Variants in SGMS1 observed in about 807,000 individuals in gnomAD.
SGMS1 encodes the protein phosphatidylcholine:ceramide cholinephosphotransferase 1.
In SGMS1, 13 loss-of-function variants were observed where a neutral mutation model predicts 46.2. That is an observed-to-expected ratio of 0.28 (90% CI 0.18 to 0.45). The LOEUF is 0.45. Among genes scored for constraint, SGMS1 ranks in the 20% least tolerant of loss-of-function variants. SGMS1 has a pLI of 1.00. For synonymous variants in SGMS1, 203 were observed against 187.8 expected (o/e 1.08, Z -0.66); for missense variants, 324 against 519.9 (o/e 0.62, Z 3.66).
chr10:50,518,890 A>G (rs1837832887), intron 3 of SGMS1, among the ~76,000 whole-genome samples: 1 of 152,238 alleles, frequency 6.6e-6, no homozygotes, highest in Admixed American at 6.5e-5. Context: ...CAATTGCACT[A>G]TTAATCAGGA....
At chr10:50,437,656 A>G (rs1325902621) in intron 5 of SGMS1, among the ~76,000 whole-genome samples, 1 of 152,192 alleles carries the variant, frequency 6.6e-6, no homozygotes, top group South Asian at 2.1e-4. Flanking sequence ...ACTGGGGCAA[A>G]AGAGTAAAAG....
chr10:50,584,323 C>T (rs759453408), intron 2 of SGMS1, among the ~76,000 whole-genome samples: 9 of 151,888 alleles, frequency 5.9e-5, no homozygotes, highest in East Asian at 1.9e-4. Context: ...CATAGTGAAA[C>T]GCTGTCTCTA....
intron 2 of SGMS1, among the ~76,000 whole-genome samples, chr10:50,543,114 A>C (rs1430124936): frequency 6.6e-6 from 1 of 152,204 alleles, no homozygotes; most frequent in Non-Finnish European, 1.5e-5. Context: ...TTGGAGACCA[A>C]GTGTTGACTT....
chr10:50,448,434 G>A (rs1036839748), intron 5 of SGMS1, among the ~76,000 whole-genome samples: 1 of 152,008 alleles, frequency 6.6e-6, no homozygotes, highest in Non-Finnish European at 1.5e-5. Flanking sequence ...GAGAATGATT[G>A]TGAAAAAGGG....
At chr10:50,379,506 G>C (rs1848571713) in intron 6 of SGMS1, among the ~76,000 whole-genome samples, 1 of 151,918 alleles carries the variant, frequency 6.6e-6, no homozygotes, top group South Asian at 2.1e-4. Flanking sequence ...TACATACAGA[G>C]GCTACGGAGG....
At position 50,563,798 on chromosome 10, in the gene SGMS1, A is replaced by G. The variant is rs189576038; in HGVS notation, c.-589+26355T>C. Among the ~76,000 whole-genome samples the G allele has an allele frequency of 9.9e-4, 150 of 152,094 alleles. 1 individual carries two copies. The highest frequency in any genetic ancestry group is 3.4e-3 in the African/African-American group (141 of 41,508). ...CTTTTGATGGAACCCATCCTATGCA[A>G]TCAGTCCCATAGTGACTGGGGTTTA... On this transcript the variant is annotated intron_variant, in intron 2 of 10. Coordinates refer to ENST00000361781, the MANE Select transcript of SGMS1 (RefSeq NM_147156.4).
chr10:50,593,413 T>C (rs906475988), intron 1 of SGMS1, among the ~76,000 whole-genome samples: 16 of 152,346 alleles, frequency 1.1e-4, no homozygotes, highest in African/African-American at 3.8e-4. Flanking sequence ...TGAGGTTTGT[T>C]ATGCAGTGAT....
chr10:50,530,724 A>G (rs1218962661), intron 2 of SGMS1, among the ~76,000 whole-genome samples: 3 of 152,036 alleles, frequency 2.0e-5, no homozygotes, highest in African/African-American at 4.8e-5. Context: ...GCCTCAAGCA[A>G]TGCTCCCGCC....
At chr10:50,432,743 AC>A (rs1202769724) in intron 6 of SGMS1, among the ~76,000 whole-genome samples, 1 of 152,194 alleles carries the variant, frequency 6.6e-6, no homozygotes, top group Non-Finnish European at 1.5e-5. Flanking sequence ...CTTTCCACAA[AC>A]TTTAATTTTA....
intron 6 of SGMS1, among the ~76,000 whole-genome samples, chr10:50,402,454 G>T (rs1260702407): frequency 6.6e-6 from 1 of 152,154 alleles, no homozygotes; most frequent in Non-Finnish European, 1.5e-5. Context: ...GATCCTACTG[G>T]AAATTAAGAT....
chr10:50,479,337 G>A (rs2133715741), intron 3 of SGMS1, among the ~76,000 whole-genome samples: 1 of 152,190 alleles, frequency 6.6e-6, no homozygotes, highest in South Asian at 2.1e-4. Context: ...AATCATTCAT[G>A]CACTAACTCA....
At chr10:50,370,007 A>C (rs957250036) in intron 6 of SGMS1, among the ~76,000 whole-genome samples, 3 of 152,218 alleles carry the variant, frequency 2.0e-5, no homozygotes, top group African/African-American at 7.2e-5. Context: ...TTGTGTATCT[A>C]AATGCAGAAA....
chr10:50,525,192 A>G (rs1837890198), intron 2 of SGMS1, among the ~76,000 whole-genome samples: 1 of 152,198 alleles, frequency 6.6e-6, no homozygotes, highest in Non-Finnish European at 1.5e-5. Context: ...TATACTGGGT[A>G]ACAAATAGCA....
intron 2 of SGMS1, among the ~76,000 whole-genome samples, chr10:50,529,864 C>G (rs1287293317): frequency 6.6e-6 from 1 of 152,122 alleles, no homozygotes; most frequent in Admixed American, 6.5e-5. Context: ...AAAGGAGAAC[C>G]ATGTACTGGA....
intron 1 of SGMS1, among the ~76,000 whole-genome samples, chr10:50,603,804 C>G (rs1838670408): frequency 6.6e-6 from 1 of 152,164 alleles, no homozygotes; most frequent in Non-Finnish European, 1.5e-5. Context: ...TCTTTAAACA[C>G]TTGTGACTGT....
At position 50,494,933 on chromosome 10, in the gene SGMS1, G is replaced by C. The variant is rs574585210; in HGVS notation, c.-498+24898C>G. On this transcript the variant is annotated intron_variant, in intron 3 of 10. Transcript: ENST00000361781. ...CACCTGTAGTCCCAGCTACTTGGGA[G>C]GCTGAGGCAGGAGAATGGCGTGAAC... Among the ~76,000 whole-genome samples, 3 of 151,526 alleles carry C rather than the reference G, an allele frequency of 2.0e-5. No individual in the cohort carries two copies. The East Asian group carries it at 5.8e-4, about 29-fold the overall frequency.
chr10:50,323,222 T>C (rs750387682), intron 8 of SGMS1, among the ~76,000 whole-genome samples: 13 of 152,148 alleles, frequency 8.5e-5, no homozygotes, highest in Non-Finnish European at 1.9e-4. Flanking sequence ...CACTACTGTA[T>C]ACTTGTTGAA....
chr10:50,609,409 C>T (rs1309985226), intron 1 of SGMS1, among the ~76,000 whole-genome samples: 4 of 151,994 alleles, frequency 2.6e-5, no homozygotes, highest in African/African-American at 9.7e-5. Context: ...CTGACTCTTG[C>T]CTTGGTAGAC....
intron 2 of SGMS1, among the ~76,000 whole-genome samples, chr10:50,588,676 A>G (rs946044611): frequency 6.6e-6 from 1 of 151,816 alleles, no homozygotes; most frequent in Non-Finnish European, 1.5e-5. Context: ...GGTTTAAAAA[A>G]TCAGCTAAGA....
Sources: allele counts gnomAD v4.1 joint callset (sites outside exome capture counted in the v4.1 genomes callset), GRCh38; gene constraint gnomAD v4.1.1; transcripts MANE v1.5; gene names NCBI Gene and HGNC (gene_info 2026-07-23, HGNC 2026-07-21).